The following MPPED2 variants were observed in gnomAD, a reference collection of about 807,000 sequenced individuals.
MPPED2 encodes metallophosphoesterase domain containing 2.
Under a neutral mutation model 33.0 loss-of-function variants are expected in MPPED2, and 5 were observed. That is an observed-to-expected ratio of 0.15 (90% CI 0.08 to 0.32). The LOEUF is 0.32. Ranked by LOEUF, MPPED2 falls within the 10% of genes least tolerant of loss-of-function variation. The pLI, the probability that MPPED2 is intolerant of heterozygous loss-of-function variation, is 1.00. For missense variants in MPPED2, 275 were observed against 372.1 expected (o/e 0.74, Z 2.15); for synonymous variants, 136 against 141.9 (o/e 0.96, Z 0.29).
At chr11:30,544,958 A>G (rs551498919) in intron 2 of MPPED2, among the ~76,000 whole-genome samples, 1 of 152,362 alleles carries the variant, frequency 6.6e-6, no homozygotes, top group East Asian at 1.9e-4. Flanking sequence ...GAAGAAGGCC[A>G]TCTAGAGAAC....
intron 4 of MPPED2, among the ~76,000 whole-genome samples, chr11:30,420,301 G>C (rs964820469): frequency 2.0e-5 from 3 of 152,140 alleles, no homozygotes; most frequent in Admixed American, 2.0e-4. Flanking sequence ...AGGAGACTAG[G>C]AGGCAACAAA....
chr11:30,572,113 A>G (rs1359080257), intron 2 of MPPED2, among the ~76,000 whole-genome samples: 1 of 152,098 alleles, frequency 6.6e-6, no homozygotes, highest in African/African-American at 2.4e-5. Flanking sequence ...TAACTTTCCA[A>G]ACCCAAAATC....
chr11:30,518,167 TC>T (rs1953643925), intron 3 of MPPED2, among the ~76,000 whole-genome samples: 1 of 152,174 alleles, frequency 6.6e-6, no homozygotes, highest in Non-Finnish European at 1.5e-5. Flanking sequence ...TTCTAGATAT[TC>T]TAGACACTCT....
intron 2 of MPPED2, among the ~76,000 whole-genome samples, chr11:30,553,738 G>A (rs1368397991): frequency 1.3e-5 from 2 of 152,142 alleles, no homozygotes; most frequent in Non-Finnish European, 1.5e-5. Flanking sequence ...AGCCACATGC[G>A]GGAGGGATAA....
intron 6 of MPPED2, among the ~76,000 whole-genome samples, chr11:30,401,716 C>T (rs1250480060): frequency 6.6e-6 from 1 of 152,140 alleles, no homozygotes; most frequent in African/African-American, 2.4e-5. Context: ...CTCGCTCTGT[C>T]ACCCAGCACC....
intron 5 of MPPED2, 97 bp downstream of exon 5, chr11:30,417,421 T>A: frequency 1.6e-6 from 1 of 612,882 alleles, no homozygotes. Context: ...CTTTTTTTTT[T>A]TTTTTGGAGG....
intron 4 of MPPED2, among the ~76,000 whole-genome samples, chr11:30,479,434 T>C (rs1021249519): frequency 5.9e-5 from 9 of 152,198 alleles, no homozygotes; most frequent in Admixed American, 1.3e-4. Context: ...CTCTAGCAAT[T>C]GAGAAGAGTA....
chr11:30,396,057 A>T (rs925596757), intron 6 of MPPED2, among the ~76,000 whole-genome samples: 1 of 152,172 alleles, frequency 6.6e-6, no homozygotes, highest in Admixed American at 6.5e-5. Flanking sequence ...AGGACAACGC[A>T]TTCCAGCAAG....
At chr11:30,536,312 T>A in intron 2 of MPPED2, 137 bp from the exon 3 acceptor site, 1 of 689,380 alleles carries the variant, frequency 1.5e-6, no homozygotes, top group Non-Finnish European at 2.2e-6. Flanking sequence ...CCACTGTAAT[T>A]AAGGACACTT....
intron 4 of MPPED2, among the ~76,000 whole-genome samples, chr11:30,448,845 C>A (rs1034347591): frequency 1.3e-5 from 2 of 151,972 alleles, no homozygotes; most frequent in African/African-American, 4.8e-5. Context: ...TTAGTAGAGA[C>A]GGGGTTTCTC....
chr11:30,479,187 C>A (rs1278654663), intron 4 of MPPED2, among the ~76,000 whole-genome samples: 3 of 151,928 alleles, frequency 2.0e-5, no homozygotes, highest in Non-Finnish European at 4.4e-5. Flanking sequence ...AAAAGTGATG[C>A]AATCAGAGAG....
intron 1 of MPPED2, among the ~76,000 whole-genome samples, chr11:30,583,419 C>A (rs1957288898): frequency 6.6e-6 from 1 of 152,098 alleles, no homozygotes; most frequent in African/African-American, 2.4e-5. Flanking sequence ...TACTTCAACA[C>A]ACTTTCCACA....
At chr11:30,426,557 A>G (rs1012409616) in intron 4 of MPPED2, among the ~76,000 whole-genome samples, 1 of 152,192 alleles carries the variant, frequency 6.6e-6, no homozygotes, top group Non-Finnish European at 1.5e-5. Flanking sequence ...CCCAGGGTAT[A>G]CACTCATTCA....
At chr11:30,549,438 G>T (rs1260645260) in intron 2 of MPPED2, among the ~76,000 whole-genome samples, 1 of 152,088 alleles carries the variant, frequency 6.6e-6, no homozygotes, top group Non-Finnish European at 1.5e-5. Context: ...AATCCCATCT[G>T]TTTGCTCCTT....
At position 30,417,647 on chromosome 11, in the gene MPPED2, A is replaced by G; in HGVS notation, c.537-14T>C. On this transcript the variant is annotated splice_polypyrimidine_tract_variant and intron_variant, in intron 4 of 6. Coordinates refer to ENST00000358117, the MANE Select transcript of MPPED2 (RefSeq NM_001584.3). ...AACCACGGGGTCCTTTGGGGGAGATAATGCACATGGTATCAGGCCAGCAGA... is the reference window on the plus strand; with the variant it reads ...AACCACGGGGTCCTTTGGGGGAGATGATGCACATGGTATCAGGCCAGCAGA... The G allele has an allele frequency of 6.7e-7, 1 of 1,492,400 alleles. No individual in the cohort carries two copies. The highest frequency in any genetic ancestry group is 9.3e-7 in the Non-Finnish European group (1 of 1,069,914). 92.4% of individuals were successfully genotyped at this position (1,492,400 alleles called of 1,614,324 possible).
chr11:30,516,242 G>A (rs545379881), intron 3 of MPPED2, among the ~76,000 whole-genome samples: 12 of 152,102 alleles, frequency 7.9e-5, no homozygotes, highest in East Asian at 1.9e-4. Flanking sequence ...AATTAAGCTC[G>A]CTCCCTTCTA....
chr11:30,541,794 G>A (rs181471598), intron 2 of MPPED2, among the ~76,000 whole-genome samples: 365 of 152,244 alleles, frequency 2.4e-3, no homozygotes, highest in African/African-American at 8.6e-3. Flanking sequence ...GTTTCACCAT[G>A]TTGGCCAGGG....
intron 3 of MPPED2, among the ~76,000 whole-genome samples, chr11:30,531,392 A>G (rs1954518497): frequency 6.6e-6 from 1 of 152,170 alleles, no homozygotes; most frequent in Non-Finnish European, 1.5e-5. Context: ...GATGGAAAAC[A>G]GGGGCTCTGT....
At chr11:30,580,989 C>T (rs754128719) in intron 1 of MPPED2, among the ~76,000 whole-genome samples, 6 of 152,208 alleles carry the variant, frequency 3.9e-5, no homozygotes, top group Admixed American at 6.5e-5. Context: ...ATGTGTATTA[C>T]TATAACATGC....
Sources: gnomAD v4.1 joint callset for allele counts (sites outside exome capture counted in the v4.1 genomes callset) on GRCh38, gnomAD v4.1.1 for gene constraint, MANE v1.5 for transcripts, NCBI Gene and HGNC (gene_info 2026-07-23, HGNC 2026-07-21) for gene names.